RLBP1: variants seen among roughly 807,000 people sequenced by gnomAD.
The protein encoded by RLBP1 is retinaldehyde binding protein 1.
Under a neutral mutation model 36.2 loss-of-function variants are expected in RLBP1, and 26 were observed. The ratio of observed to expected loss-of-function variants is 0.72; its 90% CI spans 0.53 to 1.00. The LOEUF (loss-of-function observed/expected upper bound fraction) is 1.00, where lower values mean the gene tolerates loss of function less well. Among genes scored for constraint, RLBP1 ranks in the 50% least tolerant of loss-of-function variants. The pLI, the probability that RLBP1 is intolerant of heterozygous loss-of-function variation, is 0.00. For synonymous variants in RLBP1, 155 were observed against 156.2 expected (o/e 0.99, Z 0.06); for missense variants, 410 against 402.4 (o/e 1.02, Z -0.16).
intron 5 of RLBP1, 122 bp from the exon 6 acceptor site, chr15:89,215,360 C>T: frequency 1.2e-6 from 1 of 866,826 alleles, no homozygotes; most frequent in South Asian, 1.6e-5. Flanking sequence ...GCTGGCTACT[C>T]AACCTATCCG....
Position 89,217,315 on chromosome 15 carries a change from C to T in RLBP1, c.151G>A (p.Glu51Lys). ...PRHTLQKAKD[E>K]LNEREETREE... ...CGGGTCTCCTCTCTCTCGTTCAGCTCATCCTTGGCCTAGAACAGGGTGGGG... is the reference window on the plus strand; with the variant it reads ...CGGGTCTCCTCTCTCTCGTTCAGCTTATCCTTGGCCTAGAACAGGGTGGGG... Residue 51 changes from glutamate (E) to lysine (K), a missense_variant, in exon 5 of 9, where the codon GAG becomes AAG. Glu to Lys is a moderately conservative substitution (Grantham distance 56). Transcript: ENST00000268125. 1 of 1,605,364 alleles carries T rather than the reference C, an allele frequency of 6.2e-7. No individual in the cohort carries two copies. The highest frequency in any genetic ancestry group is 8.5e-7 in the Non-Finnish European group (1 of 1,179,980).
intron 4 of RLBP1, 91 bp from the exon 5 acceptor site, chr15:89,217,415 C>A: frequency 2.2e-6 from 3 of 1,347,654 alleles, no homozygotes; most frequent in Admixed American, 3.4e-5. Context: ...AGAGCTAGAC[C>A]AGCCAAGGGG....
rs1028338316 is a variant in RLBP1, at chr15:89,214,322, A to C, written c.525+738T>G. On this transcript the variant is annotated intron_variant, in intron 6 of 8. Transcript: ENST00000268125. This position sits in a 1 kb window ranked among gnomAD's most constrained non-coding sequence, Gnocchi z 4.6. Reference sequence around the variant, plus strand: ...CTAAAAATACAAACATTAGCTGGGCATGGTGGCGTGCGTCTGTAATCCCAG... The same window carrying C: ...CTAAAAATACAAACATTAGCTGGGCCTGGTGGCGTGCGTCTGTAATCCCAG... Among the ~76,000 whole-genome samples, 4 of 152,088 alleles carry C rather than the reference A, an allele frequency of 2.6e-5. No individual in the cohort carries two copies. The highest frequency in any genetic ancestry group is 5.9e-5 in the Non-Finnish European group (4 of 68,030).
At chr15:89,215,296 C>A in intron 5 of RLBP1, 58 bp from the exon 6 acceptor site, 2 of 1,571,992 alleles carry the variant, frequency 1.3e-6, no homozygotes, top group Non-Finnish European at 8.7e-7. Flanking sequence ...CTACCCCATC[C>A]CTCCTAGTGG....
At position 89,211,250 on chromosome 15, in the gene RLBP1, C is replaced by A. The variant is rs934948870; in HGVS notation, c.685-441G>T. Among the ~76,000 whole-genome samples, 2 of 152,092 alleles carry A rather than the reference C, an allele frequency of 1.3e-5. No individual in the cohort carries two copies. The highest frequency in any genetic ancestry group is 3.9e-4 in the East Asian group (2 of 5,194). On this transcript the variant is annotated intron_variant, in intron 7 of 8. Coordinates refer to ENST00000268125, the MANE Select transcript of RLBP1 (RefSeq NM_000326.5). The surrounding 1 kb of genome is among the most constrained non-coding windows in gnomAD (Gnocchi z 5.8). Reference sequence around the variant, plus strand: ...ACCCCTCCTTTCCCAATACACAGAGCAGATCTAAGATGGCTCTAAGAAAGG... The same window carrying A: ...ACCCCTCCTTTCCCAATACACAGAGAAGATCTAAGATGGCTCTAAGAAAGG...
intron 6 of RLBP1, among the ~76,000 whole-genome samples, chr15:89,213,839 A>G (rs2051557257): frequency 6.6e-6 from 1 of 152,198 alleles, no homozygotes; most frequent in South Asian, 2.1e-4. Context: ...ACATACTCCT[A>G]ATATTTCTCC....
chr15:89,220,018 A>G (rs944363570), intron 1 of RLBP1, among the ~76,000 whole-genome samples, 159 bp from the exon 2 acceptor site: 1 of 152,146 alleles, frequency 6.6e-6, no homozygotes, highest in Admixed American at 6.5e-5. Flanking sequence ...TCCTGCCTAA[A>G]TGTCCTGCCT....
Position 89,210,184 on chromosome 15 carries a change from G to A in RLBP1, c.*101C>T, listed in dbSNP as rs749668863. 3 of 1,397,138 alleles carry A rather than the reference G, an allele frequency of 2.1e-6. No individual in the cohort carries two copies. Among genetic ancestry groups the A allele is most frequent in the Middle Eastern group, 5.0e-4 (2 of 4,012 alleles). The allele number at this position is 1,397,138 out of a possible 1,614,324, so 86.5% of individuals were successfully genotyped here. Reference sequence around the variant, plus strand: ...CTCGGGCTTAGGGAGTCTAAGGGGGGACCACAGTCATCTCAAGCAGCCCTT... The same window carrying A: ...CTCGGGCTTAGGGAGTCTAAGGGGGAACCACAGTCATCTCAAGCAGCCCTT... On this transcript the variant is annotated 3_prime_UTR_variant, in exon 9 of 9. Coordinates refer to ENST00000268125, the MANE Select transcript of RLBP1 (RefSeq NM_000326.5). This position sits in a 1 kb window ranked among gnomAD's most constrained non-coding sequence, Gnocchi z 4.7.
intron 5 of RLBP1, among the ~76,000 whole-genome samples, chr15:89,216,229 A>C (rs2051578156): frequency 6.6e-6 from 1 of 152,166 alleles, no homozygotes; most frequent in South Asian, 2.1e-4. Context: ...AGGAAAAGGA[A>C]AATCATTAGC....
chr15:89,220,501 T>G (rs961751359), intron 1 of RLBP1, among the ~76,000 whole-genome samples: 1 of 152,158 alleles, frequency 6.6e-6, no homozygotes, highest in Non-Finnish European at 1.5e-5. Flanking sequence ...AGGACCCCCA[T>G]AGAGTATCGG....
At position 89,217,115 on chromosome 15, in the gene RLBP1, C is replaced by T; in HGVS notation, c.346+5G>A. On this transcript the variant is annotated splice_donor_5th_base_variant and intron_variant, in intron 5 of 8. Coordinates refer to ENST00000268125, the MANE Select transcript of RLBP1 (RefSeq NM_000326.5). ...CAGGGCCGTCCCTCCAAGCACTGGC[C>T]TCACCTCTGAGCAGCTCATAGGCAC... is the stretch of plus-strand genomic sequence containing the variant. The T allele has an allele frequency of 6.3e-7, 1 of 1,577,058 alleles. No homozygotes were observed. Among genetic ancestry groups the T allele is most frequent in the Middle Eastern group, 1.7e-4 (1 of 5,976 alleles).
intron 1 of RLBP1, among the ~76,000 whole-genome samples, chr15:89,220,400 C>G (rs1363371113): frequency 6.6e-6 from 1 of 152,174 alleles, no homozygotes; most frequent in African/African-American, 2.4e-5. Flanking sequence ...CTGCAATGCT[C>G]CTGGCACAGT....
rs1463008225 is a variant in RLBP1, at chr15:89,218,754, A to T, written c.13-61T>A. 2 of 1,609,676 alleles carry T rather than the reference A, an allele frequency of 1.2e-6. No homozygotes were observed. The highest frequency in any genetic ancestry group is 3.3e-5 in the Admixed American group (2 of 59,930). On this transcript the variant is annotated intron_variant, in intron 3 of 8. Coordinates refer to ENST00000268125, the MANE Select transcript of RLBP1 (RefSeq NM_000326.5). The surrounding 1 kb of genome is among the most constrained non-coding windows in gnomAD (Gnocchi z 4.6). ...GCATCAGCCTGAGCCAGCCAGGGAA[A>T]TGGGCCTGCTCAGACCTTCAGTTCT...
At chr15:89,221,430 G>C (rs970157507) in intron 1 of RLBP1, 105 bp downstream of exon 1, 2 of 152,148 alleles carry the variant, frequency 1.3e-5, no homozygotes, top group African/African-American at 4.8e-5. Flanking sequence ...ATGGCCAGGT[G>C]GTTTCAGTTT....
Position 89,218,917 on chromosome 15 carries a change from G to C in RLBP1, c.12+47C>G. On this transcript the variant is annotated intron_variant, in intron 3 of 8. Coordinates refer to ENST00000268125, the MANE Select transcript of RLBP1 (RefSeq NM_000326.5). The surrounding 1 kb of genome is among the most constrained non-coding windows in gnomAD (Gnocchi z 4.6). ...AGGGAGGGAGAGGGAAGAGAGAGAA[G>C]AGAGGGAAGGTGGGTGGAGGAGAGC... is the stretch of plus-strand genomic sequence containing the variant. 1 of 1,602,948 alleles carries C rather than the reference G, an allele frequency of 6.2e-7. No homozygotes were observed. The highest frequency in any genetic ancestry group is 8.5e-7 in the Non-Finnish European group (1 of 1,170,700).
chr15:89,215,254 C>G lies in RLBP1; in HGVS notation c.347-16G>C, dbSNP rs369795298. 8 of 1,613,880 alleles carry G rather than the reference C, an allele frequency of 5.0e-6. No homozygotes were observed. The highest frequency in any genetic ancestry group is 6.8e-6 in the Non-Finnish European group (8 of 1,179,840). ...TTCACATAGCCTGGAGGAAGGAGAG[C>G]AGAGGAACCCCCTCAGGGAGCCATC... On this transcript the variant is annotated splice_polypyrimidine_tract_variant and intron_variant, in intron 5 of 8. Transcript: ENST00000268125.
chr15:89,210,654 C>G lies in RLBP1; in HGVS notation c.795+45G>C. ...TGAGGAGGGCTCAGGTGAGGCCCCACCCTCAGCCCTCTTGTCTCATTGTCT... is the reference window on the plus strand; with the variant it reads ...TGAGGAGGGCTCAGGTGAGGCCCCAGCCTCAGCCCTCTTGTCTCATTGTCT... On this transcript the variant is annotated intron_variant, in intron 8 of 8. Coordinates refer to ENST00000268125, the MANE Select transcript of RLBP1 (RefSeq NM_000326.5). This position sits in a 1 kb window ranked among gnomAD's most constrained non-coding sequence, Gnocchi z 4.7. 1 of 1,405,286 alleles carries G rather than the reference C, an allele frequency of 7.1e-7. No individual in the cohort carries two copies. Among genetic ancestry groups the G allele is most frequent in the South Asian group, 1.2e-5 (1 of 81,402 alleles). The allele number at this position is 1,405,286 out of a possible 1,614,324, so 87.1% of individuals were successfully genotyped here.
intron 5 of RLBP1, among the ~76,000 whole-genome samples, chr15:89,215,805 C>A (rs2051575427): frequency 6.6e-6 from 1 of 152,190 alleles, no homozygotes. Context: ...GCACCTCTGC[C>A]AAGAGACTGC....
In RLBP1 at chr15:89,210,861, G is replaced by T; in HGVS notation, c.685-52C>A. ...CCCCATGGCCCCAGTGACCTCAGAG[G>T]CTCCCACTCATTCCCTGCTGCCTCT... is the stretch of plus-strand genomic sequence containing the variant. On this transcript the variant is annotated intron_variant, in intron 7 of 8. Coordinates refer to ENST00000268125, the MANE Select transcript of RLBP1 (RefSeq NM_000326.5). The surrounding 1 kb of genome is among the most constrained non-coding windows in gnomAD (Gnocchi z 4.7). 1 of 1,241,878 alleles carries T rather than the reference G, an allele frequency of 8.1e-7. No individual in the cohort carries two copies. Among genetic ancestry groups the T allele is most frequent in the Non-Finnish European group, 1.2e-6 (1 of 868,152 alleles). The allele number at this position is 1,241,878 out of a possible 1,614,324, so 76.9% of individuals were successfully genotyped here.
Sources: gnomAD v4.1 joint callset for allele counts (sites outside exome capture counted in the v4.1 genomes callset) on GRCh38, gnomAD v4.1.1 for gene constraint, Gnocchi (gnomAD v3.1) non-coding constraint, MANE v1.5 for transcripts, NCBI Gene and HGNC (gene_info 2026-07-23, HGNC 2026-07-21) for gene names.